Variants in ESRRG observed in about 807,000 individuals in gnomAD.
ESRRG encodes estrogen-related receptor gamma.
In ESRRG, 13 loss-of-function variants were observed where a neutral mutation model predicts 44.0. That is an observed-to-expected ratio of 0.30 (90% CI 0.19 to 0.47). ESRRG has a LOEUF of 0.47. Ranked by LOEUF, ESRRG falls within the 20% of genes least tolerant of loss-of-function variation. ESRRG has a pLI of 1.00. For synonymous variants in ESRRG, 215 were observed against 214.6 expected, an observed-to-expected ratio of 1.00 and a Z score of -0.02; for missense variants, 395 against 580.6, an observed-to-expected ratio of 0.68 and a Z score of 3.29.
intron 1 of ESRRG, among the ~76,000 whole-genome samples, chr1:217,137,408 C>A (rs1157002708): frequency 1.3e-5 from 2 of 152,348 alleles, no homozygotes; most frequent in East Asian, 3.9e-4. Flanking sequence ...GCTCCCCCTG[C>A]GGGGTGTGCC....
chr1:216,956,977 T>G (rs2818791), intron 1 of ESRRG, among the ~76,000 whole-genome samples: 102,697 of 152,018 alleles, frequency 0.68, 37,102 homozygotes, highest in Middle Eastern at 0.85. Flanking sequence ...AATCTTAAAG[T>G]TATTAAAGGC....
At chr1:216,806,860 A>G (rs532210102) in intron 2 of ESRRG, among the ~76,000 whole-genome samples, 1 of 152,192 alleles carries the variant, frequency 6.6e-6, no homozygotes, top group African/African-American at 2.4e-5. Flanking sequence ...GAGAGAATAA[A>G]CCCATCATCA....
In ESRRG at chr1:217,133,023, G is replaced by A. The variant is rs553580498; in HGVS notation, c.-230+4644C>T. 7.2e-5 allele frequency among the ~76,000 whole-genome samples: 11 copies of A among 152,272 alleles called. No individual in the cohort carries two copies. The South Asian group carries it at 2.3e-3, about 32-fold the overall frequency. ...CTCGCAAGGAGAAAGAGAACTTGGG[G>A]TCCTTCCTATCTAGAGCCCCAGACT... On this transcript the variant is annotated intron_variant, in intron 1 of 8. Coordinates refer to the ESRRG transcript ENST00000366940.
At position 216,716,786 on chromosome 1, in the gene ESRRG, C is replaced by A. The variant is rs2084975855; in HGVS notation, c.56+6458G>T. 4.6e-5 allele frequency among the ~76,000 whole-genome samples: 7 copies of A among 151,792 alleles called. No individual in the cohort carries two copies. In the South Asian group the frequency reaches 1.0e-3, roughly 23 times the overall value. Reference sequence around the variant, plus strand: ...TTTAAAATTTTTTAAATGCCAAAACCAAGTGTTTTCCTTTTCTATATTGTT... The same window carrying A: ...TTTAAAATTTTTTAAATGCCAAAACAAAGTGTTTTCCTTTTCTATATTGTT... On this transcript the variant is annotated intron_variant, in intron 1 of 6. Coordinates refer to ENST00000408911, the MANE Select transcript of ESRRG (RefSeq NM_001438.4).
chr1:216,842,081 C>T (rs1156864932), intron 2 of ESRRG, among the ~76,000 whole-genome samples: 1 of 152,028 alleles, frequency 6.6e-6, no homozygotes, highest in East Asian at 1.9e-4. Flanking sequence ...AGAAGATAAG[C>T]CTCTTCATTA....
chr1:217,039,403 G>A (rs902256191), intron 1 of ESRRG, among the ~76,000 whole-genome samples: 4 of 152,200 alleles, frequency 2.6e-5, no homozygotes, highest in African/African-American at 9.6e-5. Context: ...TAGACTTACA[G>A]TTCCACATGT....
chr1:216,652,103 T>A (rs11572706), intron 2 of ESRRG, among the ~76,000 whole-genome samples: 1 of 152,134 alleles, frequency 6.6e-6, no homozygotes, highest in South Asian at 2.1e-4. Flanking sequence ...ATGCATTCTG[T>A]TTATTGCCCT....
At chr1:216,726,863 A>C (rs1259264588), upstream of ESRRG, among the ~76,000 whole-genome samples, 3 of 152,182 alleles carry the variant, frequency 2.0e-5, no homozygotes, top group African/African-American at 7.2e-5. Flanking sequence ...CAAAGAACAG[A>C]ATGAAAACAA....
chr1:216,709,050 C>T (rs1426971897), intron 1 of ESRRG, among the ~76,000 whole-genome samples: 1 of 151,970 alleles, frequency 6.6e-6, no homozygotes, highest in African/African-American at 2.4e-5. Flanking sequence ...GAACAACACA[C>T]ACTGGGGCCT....
chr1:217,128,476 A>T (rs1300527761), intron 1 of ESRRG, among the ~76,000 whole-genome samples: 2 of 152,192 alleles, frequency 1.3e-5, no homozygotes, highest in Non-Finnish European at 2.9e-5. Context: ...AATTAGAAAC[A>T]CCCTGTCAAC....
Position 216,793,510 on chromosome 1 carries a change from C to A in ESRRG, c.-13-116019G>T, listed in dbSNP as rs569213490. Among the ~76,000 whole-genome samples the A allele has an allele frequency of 8.5e-5, 13 of 152,202 alleles. No individual in the cohort carries two copies. In the East Asian group the frequency reaches 2.5e-3, roughly 30 times the overall value. On this transcript the variant is annotated intron_variant, in intron 2 of 7. Transcript: ENST00000359162. ...TGAGAACTGAGACCTCCAGCTACAG[C>A]CACATGAGGGAGCCTGGAAGTGGAT...
intron 1 of ESRRG, among the ~76,000 whole-genome samples, chr1:216,995,384 T>C (rs2076249002): frequency 1.3e-5 from 2 of 152,314 alleles, no homozygotes; most frequent in South Asian, 4.1e-4. Context: ...GTCACTCCTC[T>C]GCTTAAAACC....
intron 2 of ESRRG, among the ~76,000 whole-genome samples, chr1:216,843,508 G>A (rs986908046): frequency 6.6e-6 from 1 of 152,056 alleles, no homozygotes; most frequent in African/African-American, 2.4e-5. Context: ...TACATTAAGG[G>A]TCAAAATCTC....
At chr1:216,964,050 T>A (rs1472701486) in intron 1 of ESRRG, among the ~76,000 whole-genome samples, 1 of 152,022 alleles carries the variant, frequency 6.6e-6, no homozygotes, top group African/African-American at 2.4e-5. Flanking sequence ...AAAGGTCCTG[T>A]GGCAAAAAGG....
chr1:216,615,312 A>G (rs144645605), intron 3 of ESRRG, among the ~76,000 whole-genome samples: 7 of 152,328 alleles, frequency 4.6e-5, no homozygotes, highest in Admixed American at 3.3e-4. Flanking sequence ...AGACTCTTTG[A>G]GCACTTCTTT....
At chr1:216,779,481 T>TATAAATATAA (rs2093817120) in intron 2 of ESRRG, among the ~76,000 whole-genome samples, 1 of 14,712 alleles carries the variant, frequency 6.8e-5, no homozygotes, top group Non-Finnish European at 9.7e-5. Flanking sequence ...TATTTATAAA[T>TATAAATATAA]ATAAATATAT....
At chr1:217,100,973 C>T (rs1447058262) in intron 1 of ESRRG, among the ~76,000 whole-genome samples, 2 of 152,226 alleles carry the variant, frequency 1.3e-5, no homozygotes, top group African/African-American at 4.8e-5. Context: ...GAACCTCTAA[C>T]ATCTAATCAT....
In ESRRG at chr1:216,774,591, G is replaced by A. The variant is rs1221340340; in HGVS notation, c.-13-97100C>T. ...CGTACTTTCCTAAAGGCACTGTCAT[G>A]TTTCAAAGCCATTGTTCATAAATAA... On this transcript the variant is annotated intron_variant, in intron 2 of 7. Transcript: ENST00000359162. Among the ~76,000 whole-genome samples the A allele has an allele frequency of 2.6e-5, 4 of 151,990 alleles. No homozygotes were observed. In the East Asian group the frequency reaches 7.7e-4, roughly 29 times the overall value.
intron 1 of ESRRG, among the ~76,000 whole-genome samples, chr1:217,071,050 T>C (rs2090493302): frequency 6.6e-6 from 1 of 152,134 alleles, no homozygotes; most frequent in Non-Finnish European, 1.5e-5. Flanking sequence ...TTCTCCTCAT[T>C]GTCCCATTAT....
Sources: gnomAD v4.1 joint callset for allele counts (sites outside exome capture counted in the v4.1 genomes callset) on GRCh38, gnomAD v4.1.1 for gene constraint, MANE v1.5 for transcripts, NCBI Gene and HGNC (gene_info 2026-07-23, HGNC 2026-07-21) for gene names.